SORCS2: variants seen among roughly 807,000 people sequenced by gnomAD.
SORCS2 encodes the protein sortilin related VPS10 domain containing receptor 2, also known as VPS10 domain-containing receptor SorCS2.
Under a neutral mutation model 141.6 loss-of-function variants are expected in SORCS2, and 100 were observed. The ratio of observed to expected loss-of-function variants is 0.71; its 90% confidence interval spans 0.60 to 0.83. The LOEUF is 0.83. Ranked by LOEUF, SORCS2 falls within the 40% of genes least tolerant of loss-of-function variation. The probability of loss-of-function intolerance (pLI) is 0.00; values close to 1 mark genes in which losing one functional copy is unlikely to be tolerated. For missense variants in SORCS2, 1,646 were observed against 1,560.2 expected (o/e 1.05, Z -0.93); for synonymous variants, 789 against 676.9 (o/e 1.17, Z -2.57).
chr4:7,361,253 C>A (rs890514896), intron 1 of SORCS2, among the ~76,000 whole-genome samples: 1 of 152,194 alleles, frequency 6.6e-6, no homozygotes, highest in Non-Finnish European at 1.5e-5. Flanking sequence ...GTATGAGACT[C>A]CTCGTGGAAA....
chr4:7,704,546 A>G (rs1410103792), intron 14 of SORCS2, among the ~76,000 whole-genome samples: 1 of 152,206 alleles, frequency 6.6e-6, no homozygotes, highest in Non-Finnish European at 1.5e-5. Context: ...TGAAGGTCAT[A>G]TGGCTTAGGG....
chr4:7,724,262 ATGGTGATGATGGTGGTGGTGG>A (rs1289362316), intron 19 of SORCS2, among the ~76,000 whole-genome samples: 9 of 138,194 alleles, frequency 6.5e-5, no homozygotes, highest in African/African-American at 2.7e-4. Flanking sequence ...GGTGTTGGTG[ATGGTGATGATGGTGGTGGTGG>A]TGGTGGTGAT....
At chr4:7,259,157 T>G (rs1347795541) in intron 1 of SORCS2, among the ~76,000 whole-genome samples, 3 of 152,230 alleles carry the variant, frequency 2.0e-5, no homozygotes, top group African/African-American at 7.2e-5. Flanking sequence ...TGTTTTGGCT[T>G]TTGTTGCCAC....
chr4:7,384,890 G>A (rs1048403012), intron 1 of SORCS2, among the ~76,000 whole-genome samples: 9 of 152,238 alleles, frequency 5.9e-5, no homozygotes, highest in South Asian at 2.1e-4. Context: ...CACTGCATTC[G>A]AGGAGGAATC....
At chr4:7,719,541 T>TC (rs2109052328) in intron 18 of SORCS2, among the ~76,000 whole-genome samples, 1 of 152,186 alleles carries the variant, frequency 6.6e-6, no homozygotes, top group East Asian at 1.9e-4. Flanking sequence ...CCTGAGCCGT[T>TC]CCCTGGTGCA....
rs1727019324 is a variant in SORCS2, at chr4:7,193,948, C to G, written c.480+822C>G. Among the ~76,000 whole-genome samples the G allele has an allele frequency of 6.6e-6, 1 of 152,172 alleles. No individual in the cohort carries two copies. The highest frequency in any genetic ancestry group is 1.5e-5 in the Non-Finnish European group (1 of 68,026). ...CTGCCTCCTCTGGCCTTTGGTGGTG[C>G]ATGCAGGAGGCAGAGGGTCCCTTTA... On this transcript the variant is annotated intron_variant, in intron 1 of 26. Transcript: ENST00000507866. This position sits in a 1 kb window ranked among gnomAD's most constrained non-coding sequence, Gnocchi z 4.8.
chr4:7,369,203 C>T (rs111907598), intron 1 of SORCS2, among the ~76,000 whole-genome samples: 2,857 of 152,124 alleles, frequency 0.019, 86 homozygotes, highest in African/African-American at 0.064. Context: ...CCCAGCTAGT[C>T]GGGAAGCTGA....
Position 7,380,608 on chromosome 4 carries a change from C to T in SORCS2, c.481-15680C>T, listed in dbSNP as rs1415409243. On this transcript the variant is annotated intron_variant, in intron 1 of 26. Coordinates refer to ENST00000507866, the MANE Select transcript of SORCS2 (RefSeq NM_020777.3). Reference sequence around the variant, plus strand: ...TGTGGTTTCCGTCATCCTCTGCTGACCCGTGGCTAGACTGCCTGTGGCAGC... The same window carrying T: ...TGTGGTTTCCGTCATCCTCTGCTGATCCGTGGCTAGACTGCCTGTGGCAGC... 1.3e-5 allele frequency among the ~76,000 whole-genome samples: 2 copies of T among 152,256 alleles called. 1 individual carries two copies. Among genetic ancestry groups the T allele is most frequent in the East Asian group, 3.8e-4 (2 of 5,200 alleles).
At position 7,648,558 on chromosome 4, in the gene SORCS2, T is replaced by G. The variant is rs1026392864; in HGVS notation, c.814-5576T>G. Among the ~76,000 whole-genome samples, 2 of 152,010 alleles carry G rather than the reference T, an allele frequency of 1.3e-5. No homozygotes were observed. The highest frequency in any genetic ancestry group is 4.8e-5 in the African/African-American group (2 of 41,396). ...GAACAAAACAGACCAACCCCTGCCC[T>G]CGTGGGGCCTCCTTTCTAGATGAGG... On this transcript the variant is annotated intron_variant, in intron 4 of 26. Transcript: ENST00000507866. The surrounding 1 kb of genome is among the most constrained non-coding windows in gnomAD (Gnocchi z 4.2).
At chr4:7,698,985 C>T (rs6845903) in intron 12 of SORCS2, among the ~76,000 whole-genome samples, 73,223 of 151,952 alleles carry the variant, frequency 0.48, 18,321 homozygotes, top group East Asian at 0.75. Flanking sequence ...GCCCAGGTTG[C>T]CAGGGATGCA....
At chr4:7,351,709 C>CCATCCATCCATCCAT (rs76181180) in intron 1 of SORCS2, among the ~76,000 whole-genome samples, 172 of 151,388 alleles carry the variant, frequency 1.1e-3, no homozygotes, top group African/African-American at 3.9e-3. Flanking sequence ...ATCCATCCAT[C>CCATCCATCCATCCAT]CTTCTACCCA....
intron 1 of SORCS2, among the ~76,000 whole-genome samples, chr4:7,377,814 T>C (rs1300972578): frequency 6.6e-6 from 1 of 152,222 alleles, no homozygotes; most frequent in East Asian, 1.9e-4. Flanking sequence ...CTATTTGATA[T>C]ACTTAAGGCA....
intron 4 of SORCS2, among the ~76,000 whole-genome samples, chr4:7,640,142 TGA>T (rs1162475046): frequency 6.6e-6 from 1 of 151,368 alleles, no homozygotes; most frequent in Non-Finnish European, 1.5e-5. Context: ...TGAGTGTACA[TGA>T]GTGTGTGGTG....
intron 2 of SORCS2, among the ~76,000 whole-genome samples, chr4:7,414,405 A>G (rs1725528370): frequency 6.6e-6 from 1 of 152,224 alleles, no homozygotes; most frequent in Non-Finnish European, 1.5e-5. Context: ...CAAGTGGAAC[A>G]GAGGAAGGCA....
At chr4:7,702,576 C>T (rs2109014289) in intron 12 of SORCS2, among the ~76,000 whole-genome samples, 1 of 152,354 alleles carries the variant, frequency 6.6e-6, no homozygotes, top group East Asian at 1.9e-4. Context: ...CCAGGCCACC[C>T]TCAGTATCCA....
At chr4:7,264,336 G>C (rs1253475449) in intron 1 of SORCS2, among the ~76,000 whole-genome samples, 1 of 152,212 alleles carries the variant, frequency 6.6e-6, no homozygotes, top group African/African-American at 2.4e-5. Context: ...GTGAGGGGTT[G>C]GATGCCCTGA....
At chr4:7,618,860 A>T (rs1459007031) in intron 3 of SORCS2, among the ~76,000 whole-genome samples, 1 of 150,328 alleles carries the variant, frequency 6.7e-6, no homozygotes, top group African/African-American at 2.4e-5. Context: ...ACACACACAA[A>T]CACACACACC....
intron 1 of SORCS2, among the ~76,000 whole-genome samples, chr4:7,236,443 C>T (rs921190807): frequency 1.8e-4 from 27 of 151,746 alleles, no homozygotes; most frequent in Non-Finnish European, 2.9e-5. Context: ...CTGAGAGTCA[C>T]GGGAGAAAAG....
chr4:7,487,661 T>C (rs1731074082), intron 2 of SORCS2, among the ~76,000 whole-genome samples: 1 of 152,224 alleles, frequency 6.6e-6, no homozygotes, highest in African/African-American at 2.4e-5. Context: ...TAGACTCACG[T>C]AGCGGTGATA....
Sources: gnomAD v4.1 joint callset for allele counts (sites outside exome capture counted in the v4.1 genomes callset) on GRCh38, gnomAD v4.1.1 for gene constraint, Gnocchi (gnomAD v3.1) non-coding constraint, MANE v1.5 for transcripts, NCBI Gene and HGNC (gene_info 2026-07-23, HGNC 2026-07-21) for gene names.